The following ULK4 variants were observed in gnomAD, a reference collection of about 807,000 sequenced individuals.
ULK4 encodes unc-51 like kinase 4, also known as inactive serine/threonine-protein kinase ULK4.
Under a neutral mutation model 160.6 loss-of-function variants are expected in ULK4, and 133 were observed. The observed-to-expected ratio is 0.83, with a 90% CI of 0.72 to 0.96. The LOEUF (loss-of-function observed/expected upper bound fraction) is 0.96. Among genes scored for constraint, ULK4 ranks in the 40% least tolerant of loss-of-function variants. The pLI is 0.00. For synonymous variants in ULK4, 534 were observed against 539.8 expected, an observed-to-expected ratio of 0.99 and a Z score of 0.15; for missense variants, 1,580 against 1,499.5, an observed-to-expected ratio of 1.05 and a Z score of -0.89.
At position 41,295,230 on chromosome 3, in the gene ULK4, A is replaced by AG. The variant is rs1489392836; in HGVS notation, c.3679-45657_3679-45656insC. Among the ~76,000 whole-genome samples, 39 of 136,884 alleles carry AG rather than the reference A, an allele frequency of 2.8e-4. 13 individuals are homozygous for AG. The highest frequency in any genetic ancestry group is 4.0e-4 in the Non-Finnish European group (24 of 60,172). The allele number at this position is 136,884 out of a possible 152,430, so 89.8% of individuals were successfully genotyped here. A position where few individuals can be genotyped will look rare whatever the true frequency, so the allele number is the denominator to read the frequency against. Reference sequence around the variant, plus strand: ...TTTTTTCAAGAAATAGTGTTGGAACAACTGGATATCCACATGCAAAACATG... The same window carrying AG: ...TTTTTTCAAGAAATAGTGTTGGAACAGACTGGATATCCACATGCAAAACATG... On this transcript the variant is annotated intron_variant, in intron 35 of 36. Coordinates refer to ENST00000301831, the MANE Select transcript of ULK4 (RefSeq NM_017886.4).
chr3:41,782,314 G>A (rs939219805), intron 21 of ULK4, among the ~76,000 whole-genome samples: 30 of 152,068 alleles, frequency 2.0e-4, no homozygotes, highest in Non-Finnish European at 1.5e-5. Context: ...GATTTTTTAA[G>A]TTCCAAGAGC....
intron 30 of ULK4, among the ~76,000 whole-genome samples, chr3:41,620,818 G>A (rs555213270): frequency 3.3e-5 from 5 of 152,168 alleles, no homozygotes; most frequent in Non-Finnish European, 5.9e-5. Flanking sequence ...AAGAGAGGAA[G>A]TCAAATTGTC....
At chr3:41,491,364 G>A (rs6779027) in intron 32 of ULK4, among the ~76,000 whole-genome samples, 5,906 of 152,058 alleles carry the variant, frequency 0.039, 370 homozygotes, top group African/African-American at 0.13. Flanking sequence ...AGAAGGTAAA[G>A]TAACTAGAAG....
intron 35 of ULK4, among the ~76,000 whole-genome samples, chr3:41,393,085 G>T (rs999988746): frequency 2.0e-5 from 3 of 152,268 alleles, no homozygotes; most frequent in Non-Finnish European, 4.4e-5. Context: ...GTCCTTCTCA[G>T]TCTGACCTAT....
At chr3:41,445,409 T>C (rs1244233110) in intron 34 of ULK4, among the ~76,000 whole-genome samples, 1 of 152,202 alleles carries the variant, frequency 6.6e-6, no homozygotes, top group African/African-American at 2.4e-5. Flanking sequence ...AGAGCCTGCA[T>C]CGCCAAGTCA....
intron 34 of ULK4, among the ~76,000 whole-genome samples, chr3:41,422,617 C>A (rs2082687063): frequency 1.3e-5 from 2 of 151,518 alleles, no homozygotes; most frequent in Admixed American, 1.3e-4. Context: ...TAGCCGCAGT[C>A]CAAATTGAAA....
chr3:41,644,914 A>C (rs1192333618), intron 30 of ULK4, among the ~76,000 whole-genome samples: 1 of 152,146 alleles, frequency 6.6e-6, no homozygotes, highest in Non-Finnish European at 1.5e-5. Context: ...TTCCTGGTTT[A>C]GTCTTGGGAG....
At chr3:41,771,899 G>C (rs373855945) in intron 21 of ULK4, among the ~76,000 whole-genome samples, 2 of 151,994 alleles carry the variant, frequency 1.3e-5, no homozygotes, top group African/African-American at 2.4e-5. Flanking sequence ...AAACTTGTAA[G>C]CCCAAATCCT....
intron 35 of ULK4, among the ~76,000 whole-genome samples, chr3:41,283,399 A>G (rs1347226227): frequency 6.6e-6 from 1 of 152,226 alleles, no homozygotes; most frequent in Non-Finnish European, 1.5e-5. Flanking sequence ...AACCAACCCA[A>G]ATGTCCACCA....
At chr3:41,960,149 C>T in intron 1 of ULK4, among the ~76,000 whole-genome samples, 1 of 151,910 alleles carries the variant, frequency 6.6e-6, no homozygotes, top group Non-Finnish European at 1.5e-5. Context: ...AGCCACCATC[C>T]AGCCCATCTT....
intron 35 of ULK4, among the ~76,000 whole-genome samples, chr3:41,391,535 A>G (rs1415659670): frequency 6.6e-6 from 1 of 151,818 alleles, no homozygotes; most frequent in East Asian, 1.9e-4. Flanking sequence ...TTTTCTATCT[A>G]GTAGAAAGAG....
intron 21 of ULK4, among the ~76,000 whole-genome samples, chr3:41,780,620 C>T (rs534729238): frequency 2.0e-5 from 3 of 152,146 alleles, no homozygotes; most frequent in African/African-American, 4.8e-5. Context: ...GAGAGCCACA[C>T]TGGGTAGGTA....
At chr3:41,282,889 G>C (rs2079386504) in intron 35 of ULK4, among the ~76,000 whole-genome samples, 1 of 152,126 alleles carries the variant, frequency 6.6e-6, no homozygotes, top group Non-Finnish European at 1.5e-5. Context: ...GAAAATTTTT[G>C]CAATCTACCT....
At chr3:41,699,813 T>C (rs1165652512) in intron 27 of ULK4, among the ~76,000 whole-genome samples, 3 of 152,242 alleles carry the variant, frequency 2.0e-5, no homozygotes, top group Non-Finnish European at 4.4e-5. Context: ...TCATGAGTTA[T>C]ATCATTAAAA....
chr3:41,650,965 A>C (rs181401176), intron 30 of ULK4, among the ~76,000 whole-genome samples: 15 of 152,130 alleles, frequency 9.9e-5, no homozygotes, highest in Admixed American at 3.9e-4. Context: ...TTTGACCCCC[A>C]TATCTCCTTC....
At chr3:41,409,376 T>C (rs1041068944) in intron 34 of ULK4, among the ~76,000 whole-genome samples, 2 of 152,076 alleles carry the variant, frequency 1.3e-5, no homozygotes, top group African/African-American at 4.8e-5. Flanking sequence ...AAAGAAAAAA[T>C]AGATAAACTA....
At chr3:41,831,679 C>T (rs1292075737) in intron 18 of ULK4, among the ~76,000 whole-genome samples, 1 of 150,682 alleles carries the variant, frequency 6.6e-6, no homozygotes, top group Admixed American at 6.6e-5. Flanking sequence ...TGGTAATTAT[C>T]CTAATGTTCT....
intron 18 of ULK4, among the ~76,000 whole-genome samples, chr3:41,821,907 C>G (rs1465394439): frequency 7.3e-6 from 1 of 136,166 alleles, no homozygotes; most frequent in Non-Finnish European, 1.5e-5. Context: ...ACAGATCCCT[C>G]TTAGTCCTTT....
intron 32 of ULK4, among the ~76,000 whole-genome samples, chr3:41,491,802 A>G (rs561603172): frequency 0.024 from 3,586 of 151,816 alleles, 132 homozygotes; most frequent in African/African-American, 0.078. Context: ...ACATATGTAT[A>G]CATGTGCCAT....
Sources: gnomAD v4.1 joint callset for allele counts (sites outside exome capture counted in the v4.1 genomes callset) on GRCh38, gnomAD v4.1.1 for gene constraint, MANE v1.5 for transcripts, NCBI Gene and HGNC (gene_info 2026-07-23, HGNC 2026-07-21) for gene names.